Variants in APBA2 observed in about 807,000 individuals in gnomAD.
The protein encoded by APBA2 is amyloid beta precursor protein binding family A member 2.
Under a neutral mutation model 75.0 loss-of-function variants are expected in APBA2, and 30 were observed. That is an observed-to-expected ratio of 0.40 (90% CI 0.30 to 0.54). The LOEUF (loss-of-function observed/expected upper bound fraction) is 0.54, where lower values mean the gene tolerates loss of function less well. Among genes scored for constraint, APBA2 ranks in the 20% least tolerant of loss-of-function variants. The pLI is 0.49. For synonymous variants in APBA2, 444 were observed against 409.6 expected (o/e 1.08, Z -1.01); for missense variants, 801 against 1,016.1 (o/e 0.79, Z 2.88).
intron 3 of APBA2, among the ~76,000 whole-genome samples, chr15:29,040,488 G>C (rs904492286): frequency 5.2e-4 from 79 of 152,310 alleles, no homozygotes; most frequent in African/African-American, 1.9e-3. Flanking sequence ...CATAGCAAAG[G>C]CTTTGGATTT....
intron 3 of APBA2, among the ~76,000 whole-genome samples, chr15:29,035,355 A>G (rs78633691): frequency 1.3e-5 from 2 of 152,192 alleles, no homozygotes; most frequent in Non-Finnish European, 2.9e-5. Context: ...CTGGGAGGGC[A>G]TTTGGGTGTG....
At chr15:28,887,587 G>C (rs1028421865) in intron 1 of APBA2, among the ~76,000 whole-genome samples, 2 of 152,152 alleles carry the variant, frequency 1.3e-5, no homozygotes, top group South Asian at 2.1e-4. Flanking sequence ...CCTGCCCTCT[G>C]TGCTGATTCC....
At chr15:29,098,375 T>C (rs1274226180) in intron 8 of APBA2, 115 bp from the exon 9 acceptor site, 3 of 759,690 alleles carry the variant, frequency 3.9e-6, no homozygotes, top group Non-Finnish European at 4.8e-6. Context: ...GTTGTGGTTT[T>C]AATTTGGATT....
At chr15:28,922,553 G>A (rs1192626398) in intron 2 of APBA2, among the ~76,000 whole-genome samples, 1 of 152,180 alleles carries the variant, frequency 6.6e-6, no homozygotes, top group Non-Finnish European at 1.5e-5. Flanking sequence ...AGTGCACAAT[G>A]GGGCCACAGC....
intron 3 of APBA2, among the ~76,000 whole-genome samples, chr15:29,001,754 C>A (rs995577100): frequency 6.6e-6 from 1 of 152,078 alleles, no homozygotes; most frequent in African/African-American, 2.4e-5. Context: ...ACACCCAGTT[C>A]TTTTTTGTTT....
At chr15:29,114,577 C>CGTGT (rs528733666) in intron 14 of APBA2, among the ~76,000 whole-genome samples, 3 of 150,362 alleles carry the variant, frequency 2.0e-5, no homozygotes, top group Admixed American at 6.6e-5. Context: ...AGCGGGTGTG[C>CGTGT]GTGTGTGTGT....
At chr15:29,093,845 ACCT>A (rs2043708651) in intron 7 of APBA2, among the ~76,000 whole-genome samples, 1 of 151,940 alleles carries the variant, frequency 6.6e-6, no homozygotes, top group South Asian at 2.1e-4. Context: ...ACCATACACA[ACCT>A]CCTCTAACAG....
chr15:28,894,360 G>A (rs376827096), intron 1 of APBA2, among the ~76,000 whole-genome samples: 2 of 152,198 alleles, frequency 1.3e-5, no homozygotes, highest in East Asian at 3.9e-4. Flanking sequence ...GGCATGGAGG[G>A]GGCTGCTGGA....
At chr15:29,026,460 T>C (rs1595762270) in intron 3 of APBA2, among the ~76,000 whole-genome samples, 1 of 152,218 alleles carries the variant, frequency 6.6e-6, no homozygotes, top group Non-Finnish European at 1.5e-5. Context: ...CCCTCTGTTA[T>C]CCATTGGTGA....
At chr15:29,025,794 T>TA (rs2040191620) in intron 3 of APBA2, among the ~76,000 whole-genome samples, 1 of 151,514 alleles carries the variant, frequency 6.6e-6, no homozygotes, top group African/African-American at 2.4e-5. Flanking sequence ...TCTGCAAAAA[T>TA]ACAAAAATTA....
chr15:29,106,959 C>G (rs2044447105), intron 12 of APBA2, 140 bp downstream of exon 12: 1 of 762,354 alleles, frequency 1.3e-6, no homozygotes, highest in Non-Finnish European at 2.2e-6. Context: ...CACCCGGTGA[C>G]TGGTCGATGA....
At chr15:29,064,944 A>G (rs2042312098) in intron 4 of APBA2, among the ~76,000 whole-genome samples, 1 of 152,144 alleles carries the variant, frequency 6.6e-6, no homozygotes, top group South Asian at 2.1e-4. Context: ...GTAGATGGAC[A>G]GTGTCTATAG....
chr15:28,934,005 G>C (rs76553608), intron 2 of APBA2, among the ~76,000 whole-genome samples: 2,492 of 152,174 alleles, frequency 0.016, 64 homozygotes, highest in African/African-American at 0.057. Context: ...GTTCCAGGCA[G>C]AGAGAGCAGC....
chr15:29,019,246 C>T (rs2039830625), intron 3 of APBA2, among the ~76,000 whole-genome samples: 1 of 152,228 alleles, frequency 6.6e-6, no homozygotes, highest in Admixed American at 6.5e-5. Context: ...GGGGCTGGGC[C>T]TCACACGGCC....
In APBA2 at chr15:29,088,044, C is replaced by T. The variant is rs145471508; in HGVS notation, c.1070-5031C>T. Among the ~76,000 whole-genome samples the T allele has an allele frequency of 8.2e-3, 1,253 of 152,262 alleles. 7 individuals are homozygous for T. The highest frequency in any genetic ancestry group is 0.031 in the Middle Eastern group (9 of 294). On this transcript the variant is annotated intron_variant, in intron 6 of 14. Transcript: ENST00000683413. ...GGGAGTGGCAGCCTCATTGTCTGCA[C>T]CTCCCCTGCACCTCTCAGCCCCCTC... is the stretch of plus-strand genomic sequence containing the variant.
chr15:28,904,140 T>G (rs1035882574), intron 1 of APBA2, among the ~76,000 whole-genome samples: 2 of 152,198 alleles, frequency 1.3e-5, no homozygotes, highest in African/African-American at 2.4e-5. Flanking sequence ...TTCATTGTAT[T>G]GGAAAACAGA....
chr15:28,919,026 A>AT (rs1266147322), intron 1 of APBA2, among the ~76,000 whole-genome samples: 2 of 151,874 alleles, frequency 1.3e-5, no homozygotes, highest in East Asian at 3.9e-4. Flanking sequence ...CGCCCGGCTA[A>AT]TTTTTTGCGT....
intron 3 of APBA2, among the ~76,000 whole-genome samples, chr15:29,004,739 G>A (rs563847580): frequency 3.9e-5 from 6 of 152,232 alleles, no homozygotes; most frequent in African/African-American, 9.6e-5. Context: ...GAGTGCAGTG[G>A]CACGATCTCT....
At chr15:28,915,960 CAT>C (rs1323459883) in intron 1 of APBA2, among the ~76,000 whole-genome samples, 1 of 152,168 alleles carries the variant, frequency 6.6e-6, no homozygotes, top group Non-Finnish European at 1.5e-5. Context: ...CACCACATCA[CAT>C]ACTCTGTATC....
Sources: gnomAD v4.1 joint callset for allele counts (sites outside exome capture counted in the v4.1 genomes callset) on GRCh38, gnomAD v4.1.1 for gene constraint, MANE v1.5 for transcripts, NCBI Gene and HGNC (gene_info 2026-07-23, HGNC 2026-07-21) for gene names.